ASPA: variants seen among roughly 807,000 people sequenced by gnomAD.
The protein encoded by ASPA is aspartoacylase.
Under a neutral mutation model 29.6 loss-of-function variants are expected in ASPA, and 25 were observed. That is an observed-to-expected ratio of 0.85 (90% confidence interval 0.62 to 1.18). ASPA has a LOEUF of 1.18. ASPA is among the 50% of genes most tolerant of loss of function. ASPA has a pLI of 0.00. For synonymous variants in ASPA, 131 were observed against 130.3 expected (o/e 1.01, Z -0.04); for missense variants, 333 against 385.7 (o/e 0.86, Z 1.14).
At chr17:3,487,904 T>G (rs952845093) in intron 3 of ASPA, among the ~76,000 whole-genome samples, 2 of 152,230 alleles carry the variant, frequency 1.3e-5, no homozygotes, top group Non-Finnish European at 2.9e-5. Flanking sequence ...AAACACACTT[T>G]TTCACATATT....
In ASPA at chr17:3,476,368, A is replaced by G. The variant is rs1470172490; in HGVS notation, c.209A>G (p.Asn70Ser). The change falls in exon 1 of 6, where the codon AAT becomes AGT. Residue 70 changes from asparagine (N) to serine (S), a missense_variant. Coordinates refer to ENST00000263080, the MANE Select transcript of ASPA (RefSeq NM_000049.4). ...KCTRYIDCDL[N>S]RIFDLENLGK... ...ACCAGATATATTGACTGTGACCTGA[A>G]TCGCATTTTTGACCTTGAAAATCTT... 6.2e-7 allele frequency: 1 copy of G among 1,614,146 alleles called. No homozygotes were observed. The highest frequency in any genetic ancestry group is 2.2e-5 in the East Asian group (1 of 44,880).
At chr17:3,483,704 C>T in intron 3 of ASPA, 112 bp downstream of exon 3, 2 of 1,065,896 alleles carry the variant, frequency 1.9e-6, no homozygotes, top group Non-Finnish European at 2.8e-6. Flanking sequence ...GCTCTGTCAC[C>T]CAGGCTGGAG....
At chr17:3,474,247 CTTTA>C (rs1403262071), upstream of ASPA, 2 of 152,128 alleles carry the variant, frequency 1.3e-5, no homozygotes, top group Non-Finnish European at 1.5e-5. Flanking sequence ...GTAAGAGAAA[CTTTA>C]TTTATGAATG....
intron 2 of ASPA, among the ~76,000 whole-genome samples, chr17:3,482,713 A>G (rs1242912027): frequency 6.6e-6 from 1 of 152,028 alleles, no homozygotes; most frequent in East Asian, 1.9e-4. Flanking sequence ...GTTTCCCTTC[A>G]GTTTTGGACA....
At chr17:3,489,877 C>CA (rs1466117558) in intron 4 of ASPA, among the ~76,000 whole-genome samples, 4 of 152,166 alleles carry the variant, frequency 2.6e-5, no homozygotes, top group Admixed American at 6.5e-5. Context: ...AACACAAGCA[C>CA]AAGCAACATG....
chr17:3,487,400 C>G (rs1387736124), intron 3 of ASPA, among the ~76,000 whole-genome samples: 2 of 151,970 alleles, frequency 1.3e-5, no homozygotes, highest in African/African-American at 2.4e-5. Flanking sequence ...GCTTAATACT[C>G]CCTCATATTG....
chr17:3,485,138 C>A lies in ASPA; in HGVS notation c.526+1546C>A, dbSNP rs1235194034. On this transcript the variant is annotated intron_variant, in intron 3 of 5. Coordinates refer to ENST00000263080, the MANE Select transcript of ASPA (RefSeq NM_000049.4). This position sits in a 1 kb window ranked among gnomAD's most constrained non-coding sequence, Gnocchi z 4.4. ...GGCTCAGGCAATCCTCCCATCTCAGCCTCCCAAGTAGCTTGAACTACAGGC... is the reference window on the plus strand; with the variant it reads ...GGCTCAGGCAATCCTCCCATCTCAGACTCCCAAGTAGCTTGAACTACAGGC... Among the ~76,000 whole-genome samples, 2 of 152,148 alleles carry A rather than the reference C, an allele frequency of 1.3e-5. No homozygotes were observed. Among genetic ancestry groups the A allele is most frequent in the African/African-American group, 4.8e-5 (2 of 41,422 alleles).
At position 3,493,961 on chromosome 17, in the gene ASPA, T is replaced by C. The variant is rs536616049; in HGVS notation, c.635-389T>C. Among the ~76,000 whole-genome samples, 3 of 152,302 alleles carry C rather than the reference T, an allele frequency of 2.0e-5. No individual in the cohort carries two copies. The South Asian group carries it at 6.2e-4, about 32-fold the overall frequency. ...AACTAAACGTTATCTGTTCTCCCCATAGCTGTCTTCATTTTGTTATTGTTG... is the reference window on the plus strand; with the variant it reads ...AACTAAACGTTATCTGTTCTCCCCACAGCTGTCTTCATTTTGTTATTGTTG... On this transcript the variant is annotated intron_variant, in intron 4 of 5. Coordinates refer to ENST00000263080, the MANE Select transcript of ASPA (RefSeq NM_000049.4).
intron 4 of ASPA, 142 bp from the exon 5 acceptor site, chr17:3,494,208 T>C: frequency 1.5e-6 from 1 of 659,120 alleles, no homozygotes; most frequent in Non-Finnish European, 2.9e-6. Flanking sequence ...TTCACCATGT[T>C]GGCCAGGCTG....
At chr17:3,486,833 G>T (rs934317811) in intron 3 of ASPA, among the ~76,000 whole-genome samples, 1 of 152,080 alleles carries the variant, frequency 6.6e-6, no homozygotes, top group African/African-American at 2.4e-5. Flanking sequence ...ATCTTTGGTG[G>T]CCCTATTGTC....
chr17:3,493,060 A>G (rs1300670898), intron 4 of ASPA, among the ~76,000 whole-genome samples: 1 of 152,210 alleles, frequency 6.6e-6, no homozygotes, highest in African/African-American at 2.4e-5. Flanking sequence ...AGTTGTGACC[A>G]TAACACGCTG....
chr17:3,496,715 A>G (rs1049889912), intron 5 of ASPA, among the ~76,000 whole-genome samples: 3 of 152,220 alleles, frequency 2.0e-5, no homozygotes, highest in Non-Finnish European at 4.4e-5. Context: ...ACCACAAACT[A>G]CTAAAGTAGC....
chr17:3,478,321 C>T (rs2073567522), intron 1 of ASPA, among the ~76,000 whole-genome samples: 1 of 152,186 alleles, frequency 6.6e-6, no homozygotes, highest in East Asian at 1.9e-4. Flanking sequence ...AAAACATGGA[C>T]ACTACTCTTA....
chr17:3,498,237 G>A (rs2073939903), intron 5 of ASPA, among the ~76,000 whole-genome samples: 1 of 152,182 alleles, frequency 6.6e-6, no homozygotes, highest in South Asian at 2.1e-4. Context: ...TTTAACTTGA[G>A]CTGGCAACAG....
At chr17:3,494,322 C>G (rs1401165262) in intron 4 of ASPA, 28 bp from the exon 5 acceptor site, 1 of 1,533,324 alleles carries the variant, frequency 6.5e-7, no homozygotes, top group Non-Finnish European at 9.0e-7. Flanking sequence ...TTTTTAGTTG[C>G]CATTGATACA....
chr17:3,483,221 T>C (rs552879216), intron 2 of ASPA, among the ~76,000 whole-genome samples: 1 of 152,242 alleles, frequency 6.6e-6, no homozygotes, highest in Admixed American at 6.5e-5. Context: ...AGAACATTTA[T>C]TTCATGTTTT....
rs1194701106 is a variant in ASPA, at chr17:3,490,567, G to A, written c.634+1225G>A. 1.3e-5 allele frequency among the ~76,000 whole-genome samples: 2 copies of A among 152,050 alleles called. No individual in the cohort carries two copies. Among genetic ancestry groups the A allele is most frequent in the Non-Finnish European group, 2.9e-5 (2 of 68,022 alleles). On this transcript the variant is annotated intron_variant, in intron 4 of 5. Transcript: ENST00000263080. The surrounding 1 kb of genome is among the most constrained non-coding windows in gnomAD (Gnocchi z 4.6). ...CACCCCACTGCAATCACAGACATTC[G>A]TTTTGTGCTTGGGAATCCTTTGACT...
chr17:3,492,726 C>T (rs538283640), intron 4 of ASPA, among the ~76,000 whole-genome samples: 2 of 152,108 alleles, frequency 1.3e-5, no homozygotes, highest in Non-Finnish European at 2.9e-5. Context: ...ACTCAGGCAC[C>T]CTAACAGACA....
intron 3 of ASPA, 145 bp from the exon 4 acceptor site, chr17:3,489,090 C>A: frequency 1.7e-6 from 1 of 584,712 alleles, no homozygotes; most frequent in Non-Finnish European, 3.0e-6. Context: ...AACATTATGT[C>A]TCAAATATTT....
Sources: allele counts gnomAD v4.1 joint callset (sites outside exome capture counted in the v4.1 genomes callset), GRCh38; gene constraint gnomAD v4.1.1; non-coding constraint Gnocchi (gnomAD v3.1); transcripts MANE v1.5; gene names NCBI Gene and HGNC (gene_info 2026-07-23, HGNC 2026-07-21).